ZBTB20: variants seen among roughly 807,000 people sequenced by gnomAD.
ZBTB20 encodes zinc finger and BTB domain containing 20, also known as zinc finger and BTB domain-containing protein 20.
Under a neutral mutation model 56.9 loss-of-function variants are expected in ZBTB20, and 9 were observed. That is an observed-to-expected ratio of 0.16 (90% CI 0.10 to 0.28). The LOEUF is 0.28. Among genes scored for constraint, ZBTB20 ranks in the 10% least tolerant of loss-of-function variants. The pLI is 1.00. For synonymous variants in ZBTB20, 417 were observed against 420.7 expected, an observed-to-expected ratio of 0.99 and a Z score of 0.11; for missense variants, 655 against 1,003.0, an observed-to-expected ratio of 0.65 and a Z score of 4.69.
chr3:114,350,626 G>C lies in ZBTB20; in HGVS notation c.1452C>G (p.Thr484=), dbSNP rs1461545885. ...QLYLRQTETL[T]SNLRMPLTLT... is the part of the protein sequence containing the mutation. ...AGGTCAGAGGCATCCTCAGGTTGCT[G>C]GTGAGGGTTTCTGTCTGGCGTAAGT... The change falls in exon 11 of 12, where the codon ACC becomes ACG. Residue 484 remains threonine, a synonymous_variant. Coordinates refer to ENST00000675478, the MANE Select transcript of ZBTB20 (RefSeq NM_001348800.3). 1 of 1,614,194 alleles carries C rather than the reference G, an allele frequency of 6.2e-7. No homozygotes were observed. The highest frequency in any genetic ancestry group is 8.5e-7 in the Non-Finnish European group (1 of 1,180,034).
chr3:114,754,186 A>G lies in ZBTB20; in HGVS notation c.-343+46915T>C, dbSNP rs2067825625. Among the ~76,000 whole-genome samples, 3 of 152,278 alleles carry G rather than the reference A, an allele frequency of 2.0e-5. No homozygotes were observed. In the South Asian group the frequency reaches 6.2e-4, roughly 32 times the overall value. On this transcript the variant is annotated intron_variant, in intron 5 of 11. Coordinates refer to ENST00000675478, the MANE Select transcript of ZBTB20 (RefSeq NM_001348800.3). ...CGAACTGGGGAGGCCACTGCCATTT[A>G]GGCTCCAGCATCTTTTACAGGCCAG... is the stretch of plus-strand genomic sequence containing the variant.
At chr3:115,064,919 T>C (rs1285923146) in intron 2 of ZBTB20, among the ~76,000 whole-genome samples, 1 of 152,332 alleles carries the variant, frequency 6.6e-6, no homozygotes, top group East Asian at 1.9e-4. Context: ...ATTATGCATC[T>C]TGGTGTGGAA....
intron 3 of ZBTB20, among the ~76,000 whole-genome samples, chr3:114,955,905 A>G (rs556153309): frequency 1.3e-5 from 2 of 152,316 alleles, no homozygotes; most frequent in Non-Finnish European, 2.9e-5. Context: ...TGAAAATGGA[A>G]AAGGAAAAGG....
intron 3 of ZBTB20, among the ~76,000 whole-genome samples, chr3:114,942,004 CTAGT>C (rs952259185): frequency 1.4e-5 from 2 of 146,288 alleles, no homozygotes; most frequent in Non-Finnish European, 1.5e-5. Flanking sequence ...CTGTCTATGC[CTAGT>C]TATTCACTAC....
chr3:114,543,578 T>G (rs2049372790), intron 6 of ZBTB20, among the ~76,000 whole-genome samples: 1 of 152,194 alleles, frequency 6.6e-6, no homozygotes, highest in Admixed American at 6.5e-5. Flanking sequence ...ACTAGTAAAT[T>G]GACTATAAAA....
intron 7 of ZBTB20, among the ~76,000 whole-genome samples, chr3:114,471,481 T>C (rs930718052): frequency 6.6e-6 from 1 of 152,048 alleles, no homozygotes; most frequent in Non-Finnish European, 1.5e-5. Flanking sequence ...GAATCAGGAA[T>C]TGGAGTGGGA....
chr3:114,713,947 T>TC (rs1329009314), intron 5 of ZBTB20: 5 of 152,612 alleles, frequency 3.3e-5, no homozygotes, highest in African/African-American at 1.2e-4. Flanking sequence ...TCATCTCTGA[T>TC]CGAATTTTTA....
At chr3:114,960,467 T>A (rs1027831613) in intron 3 of ZBTB20, among the ~76,000 whole-genome samples, 8 of 152,198 alleles carry the variant, frequency 5.3e-5, no homozygotes, top group Non-Finnish European at 1.2e-4. Context: ...GAAACTGAGC[T>A]ACAGAGGATT....
intron 5 of ZBTB20, among the ~76,000 whole-genome samples, chr3:114,728,895 T>C (rs916212111): frequency 6.6e-6 from 1 of 152,114 alleles, no homozygotes; most frequent in Non-Finnish European, 1.5e-5. Flanking sequence ...TTTTGAGAAG[T>C]GTCTTTTCAT....
chr3:114,817,261 G>A (rs2072992301), intron 4 of ZBTB20, among the ~76,000 whole-genome samples: 2 of 151,298 alleles, frequency 1.3e-5, no homozygotes, highest in African/African-American at 4.9e-5. Flanking sequence ...GCTTACGCCT[G>A]TAATCCCAGC....
At chr3:114,342,831 C>G (rs1311027490) in intron 11 of ZBTB20, among the ~76,000 whole-genome samples, 1 of 152,092 alleles carries the variant, frequency 6.6e-6, no homozygotes, top group Non-Finnish European at 1.5e-5. Context: ...TATATTGCAG[C>G]TATGTAATTC....
At chr3:115,120,264 T>C (rs111689443) in intron 1 of ZBTB20, among the ~76,000 whole-genome samples, 8 of 152,222 alleles carry the variant, frequency 5.3e-5, no homozygotes, top group African/African-American at 1.9e-4. Flanking sequence ...GTGGAGGCTA[T>C]GTATGTGGCG....
intron 10 of ZBTB20, chr3:114,379,196 T>G (rs2084020071): frequency 6.6e-6 from 1 of 152,248 alleles, no homozygotes; most frequent in South Asian, 2.1e-4. Flanking sequence ...ATAATTTTTG[T>G]CTTTGTGGAC....
Position 114,945,797 on chromosome 3 carries a change from AC to A in ZBTB20, c.-456+28568del, listed in dbSNP as rs1173860233. 2.8e-5 allele frequency among the ~76,000 whole-genome samples: 4 copies of A among 145,248 alleles called. 1 individual carries two copies. The highest frequency in any genetic ancestry group is 5.6e-5 in the African/African-American group (2 of 35,622). Reference sequence around the variant, plus strand: ...ATAATATGCTATTTGCAGGACACATACCTTAAAAGTAAGTATACAGAAAATG... The same window carrying A: ...ATAATATGCTATTTGCAGGACACATACTTAAAAGTAAGTATACAGAAAATG... On this transcript the variant is annotated intron_variant, in intron 3 of 11. Coordinates refer to ENST00000675478, the MANE Select transcript of ZBTB20 (RefSeq NM_001348800.3).
chr3:114,669,277 C>T (rs2061230839), intron 6 of ZBTB20, among the ~76,000 whole-genome samples: 1 of 152,086 alleles, frequency 6.6e-6, no homozygotes, highest in Non-Finnish European at 1.5e-5. Flanking sequence ...CTGTGCTAAA[C>T]TAACATCTGA....
chr3:114,916,955 T>A (rs1358776332), intron 3 of ZBTB20, among the ~76,000 whole-genome samples: 2 of 152,152 alleles, frequency 1.3e-5, no homozygotes, highest in African/African-American at 4.8e-5. Context: ...AGTTCTCTAA[T>A]ACCGTCCTCA....
intron 6 of ZBTB20, among the ~76,000 whole-genome samples, chr3:114,610,411 C>T (rs999415089): frequency 1.3e-5 from 2 of 152,178 alleles, no homozygotes; most frequent in Non-Finnish European, 2.9e-5. Context: ...CGATAGGTCT[C>T]CTATTCACAC....
chr3:114,818,032 G>A lies in ZBTB20; in HGVS notation c.-416-16858C>T, dbSNP rs564396829. Among the ~76,000 whole-genome samples, 5 of 152,216 alleles carry A rather than the reference G, an allele frequency of 3.3e-5. No individual in the cohort carries two copies. In the East Asian group the frequency reaches 9.6e-4, roughly 29 times the overall value. ...AATGACAGCATCATGAAAATGAGTT[G>A]CCCCAATATCACATATCGTTTTTGT... On this transcript the variant is annotated intron_variant, in intron 4 of 11. Transcript: ENST00000675478.
chr3:114,786,359 T>A (rs545973168), intron 5 of ZBTB20, among the ~76,000 whole-genome samples: 36 of 152,234 alleles, frequency 2.4e-4, no homozygotes, highest in African/African-American at 8.2e-4. Context: ...GTTCTCATTG[T>A]TCAGCTTCCA....
Sources: gnomAD v4.1 joint callset for allele counts (sites outside exome capture counted in the v4.1 genomes callset) on GRCh38, gnomAD v4.1.1 for gene constraint, MANE v1.5 for transcripts, NCBI Gene and HGNC (gene_info 2026-07-23, HGNC 2026-07-21) for gene names.